CENPC: variants seen among roughly 807,000 people sequenced by gnomAD.
CENPC encodes CENP-C 1.
Under a neutral mutation model 112.1 loss-of-function variants are expected in CENPC, and 63 were observed. The observed-to-expected ratio is 0.56, with a 90% CI of 0.46 to 0.69. The LOEUF is 0.69. CENPC is among the 30% of genes least tolerant of loss of function. CENPC has a pLI of 0.00. For synonymous variants in CENPC, 333 were observed against 367.6 expected, an observed-to-expected ratio of 0.91 and a Z score of 1.08; for missense variants, 1,000 against 1,103.8, an observed-to-expected ratio of 0.91 and a Z score of 1.33.
chr4:67,508,279 A>C (rs1384724430), intron 10 of CENPC, among the ~76,000 whole-genome samples: 1 of 152,076 alleles, frequency 6.6e-6, no homozygotes, highest in Non-Finnish European at 1.5e-5. Flanking sequence ...TTGGGAGCCC[A>C]AGGCAGGAGA....
chr4:67,519,099 A>G, intron 6 of CENPC, 118 bp downstream of exon 6: 1 of 716,930 alleles, frequency 1.4e-6, no homozygotes, highest in Non-Finnish European at 2.2e-6. Context: ...CTTTCTCATA[A>G]CATGTTAATA....
intron 12 of CENPC, among the ~76,000 whole-genome samples, chr4:67,503,204 C>G (rs1385054585): frequency 1.3e-5 from 2 of 152,126 alleles, no homozygotes; most frequent in Non-Finnish European, 1.5e-5. Context: ...CTCGTTCGCT[C>G]TCTTCCTCTG....
intron 8 of CENPC, among the ~76,000 whole-genome samples, chr4:67,513,406 T>C (rs355464): frequency 0.63 from 95,830 of 152,050 alleles, 30,467 homozygotes; most frequent in East Asian, 0.81. Flanking sequence ...ACAGAATATA[T>C]GTAAAAATTA....
chr4:67,533,675 C>T (rs1726625666), intron 4 of CENPC, among the ~76,000 whole-genome samples: 1 of 152,010 alleles, frequency 6.6e-6, no homozygotes, highest in Non-Finnish European at 1.5e-5. Flanking sequence ...TGGAGAAAAC[C>T]CAGAAGCAGA....
intron 17 of CENPC, among the ~76,000 whole-genome samples, chr4:67,486,747 G>A (rs1196376361): frequency 1.3e-5 from 2 of 152,142 alleles, no homozygotes; most frequent in Non-Finnish European, 2.9e-5. Flanking sequence ...TGCCATGGTT[G>A]AGAAACCCTG....
chr4:67,486,407 C>A (rs1725095431), intron 17 of CENPC, among the ~76,000 whole-genome samples: 2 of 152,072 alleles, frequency 1.3e-5, no homozygotes, highest in African/African-American at 4.8e-5. Context: ...TATTTAATAC[C>A]AAATATCTAG....
intron 16 of CENPC, among the ~76,000 whole-genome samples, chr4:67,491,472 TATATATATAG>T (rs1205480261): frequency 0.014 from 548 of 38,956 alleles, 2 homozygotes; most frequent in Non-Finnish European, 0.02. Context: ...TATATATATA[TATATATATAG>T]AGAGAGAGAG....
intron 5 of CENPC, among the ~76,000 whole-genome samples, chr4:67,525,616 A>G (rs927333283): frequency 1.3e-5 from 2 of 152,246 alleles, no homozygotes; most frequent in Non-Finnish European, 2.9e-5. Flanking sequence ...CAAAACCACA[A>G]TGAGATACCA....
intron 16 of CENPC, among the ~76,000 whole-genome samples, chr4:67,491,527 A>AGAGAGAGAGAGAGAGAGAGAGC (rs1433475806): frequency 7.9e-6 from 1 of 126,414 alleles, no homozygotes. Flanking sequence ...AGAGAGAGAG[A>AGAGAGAGAGAGAGAGAGAGAGC]GCCTGGTTGT....
chr4:67,514,259 TTTTG>T lies in CENPC; in HGVS notation c.1255_1258del (p.Gln419AsnfsTer94). On this transcript the variant is annotated frameshift_variant, in exon 8 of 19. Coordinates refer to ENST00000273853, the MANE Select transcript of CENPC (RefSeq NM_001812.4). LOFTEE classifies it high-confidence loss of function. ...TTTAGCCATGAATTTTCTTCTCTGT[TTTTG>T]TTTTATAGTCCTTTTGCTTCTAGAT... The T allele has an allele frequency of 6.2e-7, 1 of 1,612,168 alleles. No homozygotes were observed. Among genetic ancestry groups the T allele is most frequent in the Non-Finnish European group, 8.5e-7 (1 of 1,178,880 alleles).
chr4:67,504,793 G>C (rs1015711367), intron 12 of CENPC, among the ~76,000 whole-genome samples: 2 of 152,052 alleles, frequency 1.3e-5, no homozygotes, highest in Non-Finnish European at 2.9e-5. Context: ...CTGCACTCCA[G>C]CCTGGGAGAC....
intron 17 of CENPC, among the ~76,000 whole-genome samples, chr4:67,489,626 T>C (rs902854842): frequency 6.6e-6 from 1 of 152,080 alleles, no homozygotes; most frequent in African/African-American, 2.4e-5. Flanking sequence ...ATTTCTCTAC[T>C]GCATTATCAT....
chr4:67,514,024 A>C, intron 8 of CENPC, 50 bp downstream of exon 8: 1 of 1,469,294 alleles, frequency 6.8e-7, no homozygotes, highest in Non-Finnish European at 9.0e-7. Flanking sequence ...ATTAAAAAAC[A>C]TAAAATGGGT....
chr4:67,501,306 TCAAA>T (rs997841477), intron 12 of CENPC, among the ~76,000 whole-genome samples: 74 of 152,184 alleles, frequency 4.9e-4, no homozygotes, highest in African/African-American at 1.5e-3. Context: ...AGACTCCATC[TCAAA>T]CAAACAAACA....
chr4:67,489,959 G>A lies in CENPC; in HGVS notation c.2670+8C>T. ...AGTGAAACATAAATATATAAAAAAA[G>A]TACTCACCAATATATCCTGGCCAAC... On this transcript the variant is annotated splice_region_variant and intron_variant, in intron 17 of 18. Coordinates refer to ENST00000273853, the MANE Select transcript of CENPC (RefSeq NM_001812.4). The A allele has an allele frequency of 5.9e-6, 9 of 1,520,912 alleles. No homozygotes were observed. The highest frequency in any genetic ancestry group is 7.0e-6 in the Non-Finnish European group (8 of 1,138,348). 94.2% of individuals were successfully genotyped at this position (1,520,912 alleles called of 1,614,324 possible).
intron 13 of CENPC, 82 bp from the exon 14 acceptor site, chr4:67,494,070 A>AT (rs1725361705): frequency 1.6e-6 from 1 of 639,518 alleles, no homozygotes; most frequent in East Asian, 3.2e-5. Flanking sequence ...CTTTTAGAAC[A>AT]TGAAAGCTTT....
chr4:67,530,078 G>A (rs1578003633), intron 5 of CENPC, among the ~76,000 whole-genome samples: 1 of 152,006 alleles, frequency 6.6e-6, no homozygotes, highest in Admixed American at 6.6e-5. Flanking sequence ...ACACATTCCA[G>A]ATGGTTAAAG....
intron 12 of CENPC, among the ~76,000 whole-genome samples, chr4:67,495,934 T>G (rs1725420050): frequency 6.6e-6 from 1 of 152,222 alleles, no homozygotes; most frequent in Non-Finnish European, 1.5e-5. Context: ...AAGCAGAGTC[T>G]CGTTCCCTTC....
chr4:67,491,961 A>G (rs1446657719), intron 16 of CENPC, among the ~76,000 whole-genome samples: 2 of 152,120 alleles, frequency 1.3e-5, no homozygotes, highest in African/African-American at 4.8e-5. Flanking sequence ...GCCCCAGAGG[A>G]CAAGTCCGGG....
Sources: gnomAD v4.1 joint callset for allele counts (sites outside exome capture counted in the v4.1 genomes callset) on GRCh38, gnomAD v4.1.1 for gene constraint, MANE v1.5 for transcripts, NCBI Gene and HGNC (gene_info 2026-07-23, HGNC 2026-07-21) for gene names.